Variants in TMTC3 observed in about 807,000 individuals in gnomAD.
The protein encoded by TMTC3 is protein O-mannosyl-transferase TMTC3.
In TMTC3, 52 loss-of-function variants were observed where a neutral mutation model predicts 92.2. That is an observed-to-expected ratio of 0.56 (90% confidence interval 0.45 to 0.71). The LOEUF is 0.71. Among genes scored for constraint, TMTC3 ranks in the 30% least tolerant of loss-of-function variants. The pLI is 0.00. For synonymous variants in TMTC3, 339 were observed against 363.3 expected, an observed-to-expected ratio of 0.93 and a Z score of 0.76; for missense variants, 896 against 1,057.1, an observed-to-expected ratio of 0.85 and a Z score of 2.11.
chr12:88,188,816 C>T (rs760002499), intron 10 of TMTC3, 27 bp from the exon 11 acceptor site: 1 of 1,224,002 alleles, frequency 8.2e-7, no homozygotes, highest in Non-Finnish European at 1.2e-6. Context: ...GTATACTTGC[C>T]AACAAATGAT....
Position 88,174,720 on chromosome 12 carries a change from C to T in TMTC3, c.1313C>T (p.Ala438Val), listed in dbSNP as rs2041241223. ...WESEYTLFMS[A>V]LKVNKNNAKL... ...TCTGAATATACATTGTTTATGTCAG[C>T]CTTGAAGGTAAAGTGTTGTTCAGAA... is the stretch of plus-strand genomic sequence containing the variant. Residue 438 changes from alanine (A) to valine (V), a missense_variant, in exon 9 of 14, where the codon GCC (alanine) becomes GTC (valine). Coordinates refer to ENST00000266712, the MANE Select transcript of TMTC3 (RefSeq NM_181783.4). The T allele has an allele frequency of 6.2e-7, 1 of 1,611,704 alleles. No homozygotes were observed. The highest frequency in any genetic ancestry group is 8.5e-7 in the Non-Finnish European group (1 of 1,178,764).
At chr12:88,176,082 C>A in intron 9 of TMTC3, 126 bp from the exon 10 acceptor site, 1 of 633,494 alleles carries the variant, frequency 1.6e-6, no homozygotes. Flanking sequence ...TATTTGACTC[C>A]TGTGTCATCC....
intron 10 of TMTC3, among the ~76,000 whole-genome samples, chr12:88,181,023 T>A (rs935657151): frequency 9.2e-5 from 14 of 152,132 alleles, no homozygotes; most frequent in African/African-American, 3.4e-4. Flanking sequence ...AAGGGTAGAG[T>A]GGACACGTTC....
chr12:88,163,746 C>T (rs1206741018), intron 6 of TMTC3, among the ~76,000 whole-genome samples: 3 of 152,180 alleles, frequency 2.0e-5, no homozygotes, highest in Non-Finnish European at 4.4e-5. Flanking sequence ...AGGGCCCACC[C>T]TAACCCAGTG....
chr12:88,195,705 T>C lies in TMTC3; in HGVS notation c.*56T>C. 4.2e-6 allele frequency: 6 copies of C among 1,445,534 alleles called. No individual in the cohort carries two copies. Among genetic ancestry groups the C allele is most frequent in the Middle Eastern group, 2.3e-4 (1 of 4,306 alleles). 89.5% of individuals were successfully genotyped at this position (1,445,534 alleles called of 1,614,324 possible). On this transcript the variant is annotated 3_prime_UTR_variant, in exon 14 of 14. Transcript: ENST00000266712. ...AGAACATCAATCCGTATCATGTGAT[T>C]GCTTTTACTGGGAGCTTTGAAAAAA...
chr12:88,190,379 G>T lies in TMTC3; in HGVS notation c.1537-74G>T. 4 of 1,351,416 alleles carry T rather than the reference G, an allele frequency of 3.0e-6. No individual in the cohort carries two copies. The South Asian group carries it at 5.2e-5, about 18-fold the overall frequency. 83.7% of individuals were successfully genotyped at this position (1,351,416 alleles called of 1,614,324 possible). On this transcript the variant is annotated intron_variant, in intron 11 of 13. Transcript: ENST00000266712. The stretch of plus-strand genomic sequence containing the variant: ...GTATGTTCTGAGTTATTTTGAATTA[G>T]CCAATAGGAATATGTACTTTTGATT...
chr12:88,194,724 A>T (rs1420023961), intron 13 of TMTC3, 114 bp from the exon 14 acceptor site: 1 of 715,434 alleles, frequency 1.4e-6, no homozygotes, highest in African/African-American at 1.9e-5. Flanking sequence ...TTAACTATGG[A>T]AATTAGTTGT....
In TMTC3 at chr12:88,192,295, A is replaced by T. The variant is rs373751855; in HGVS notation, c.1707-309A>T. Among the ~76,000 whole-genome samples, 306 of 152,170 alleles carry T rather than the reference A, an allele frequency of 2.0e-3. 1 individual carries two copies. Among genetic ancestry groups the T allele is most frequent in the African/African-American group, 7.1e-3 (295 of 41,528 alleles). ...CAGTTTAGTCTGTCTCCTTTTTAAG[A>T]TAAAGTCAAAGAATATATTTGCTCT... On this transcript the variant is annotated intron_variant, in intron 12 of 13. Transcript: ENST00000266712.
Position 88,153,282 on chromosome 12 carries a change from T to C in TMTC3, c.190-9T>C. 6.3e-7 allele frequency: 1 copy of C among 1,599,656 alleles called. No individual in the cohort carries two copies. Among genetic ancestry groups the C allele is most frequent in the Non-Finnish European group, 8.5e-7 (1 of 1,172,600 alleles). On this transcript the variant is annotated splice_polypyrimidine_tract_variant and intron_variant, in intron 2 of 13. Transcript: ENST00000266712. ...ACTTTAATAATCACTGATCGTTTTT[T>C]CCTTGTAGGAGAGAAGCCACAAGTC...
chr12:88,198,457 T>G lies in TMTC3; in HGVS notation c.*2808T>G, dbSNP rs796860545. The stretch of plus-strand genomic sequence containing the variant: ...AGTGTTACCTTACTCCTTCACTGCT[T>G]CTTAGAAGGTAGAATTAAGTTTCTG... On this transcript the variant is annotated 3_prime_UTR_variant, in exon 14 of 14. Transcript: ENST00000266712. The G allele has an allele frequency of 4.0e-5, 16 of 398,060 alleles. No homozygotes were observed. Among genetic ancestry groups the G allele is most frequent in the African/African-American group, 2.5e-4 (12 of 48,740 alleles). The allele number at this position is 398,060 out of a possible 1,614,324, so 24.7% of individuals were successfully genotyped here.
chr12:88,188,829 T>G lies in TMTC3; in HGVS notation c.1433-14T>G. 1.4e-6 allele frequency: 2 copies of G among 1,389,992 alleles called. No individual in the cohort carries two copies. The highest frequency in any genetic ancestry group is 2.0e-6 in the Non-Finnish European group (2 of 997,840). The allele number at this position is 1,389,992 out of a possible 1,614,324, so 86.1% of individuals were successfully genotyped here. A position where few individuals can be genotyped will look rare whatever the true frequency, so the allele number is the denominator to read the frequency against. On this transcript the variant is annotated splice_polypyrimidine_tract_variant and intron_variant, in intron 10 of 13. Coordinates refer to ENST00000266712, the MANE Select transcript of TMTC3 (RefSeq NM_181783.4). ...TTGTATACTTGCCAACAAATGATTG[T>G]TTTAAAATTTTAGATGATATTGGTG...
chr12:88,197,181 T>C lies in TMTC3; in HGVS notation c.*1532T>C, dbSNP rs1438491090. 2 of 152,022 alleles carry C rather than the reference T, an allele frequency of 1.3e-5. No homozygotes were observed. Among genetic ancestry groups the C allele is most frequent in the Non-Finnish European group, 3.0e-5 (2 of 67,772 alleles). 9.4% of individuals were successfully genotyped at this position (152,022 alleles called of 1,614,324 possible). ...TATCCTGTATTTTTTTTAAGAATTG[T>C]TTTATAAATAGGTCATAAGATACAA... On this transcript the variant is annotated 3_prime_UTR_variant, in exon 14 of 14. Transcript: ENST00000266712.
intron 6 of TMTC3, 92 bp from the exon 7 acceptor site, chr12:88,166,238 A>C (rs1201566833): frequency 8.1e-7 from 1 of 1,237,210 alleles, no homozygotes; most frequent in East Asian, 2.6e-5. Flanking sequence ...AAGATGATAT[A>C]TAAAATGTTT....
At chr12:88,156,614 A>G (rs2041013064) in intron 4 of TMTC3, among the ~76,000 whole-genome samples, 2 of 152,068 alleles carry the variant, frequency 1.3e-5, no homozygotes, top group South Asian at 4.1e-4. Flanking sequence ...AACACCCACT[A>G]GCCATTGTAG....
rs896493869 is a variant in TMTC3, at chr12:88,196,986, C to T, written c.*1337C>T. On this transcript the variant is annotated 3_prime_UTR_variant, in exon 14 of 14. Coordinates refer to ENST00000266712, the MANE Select transcript of TMTC3 (RefSeq NM_181783.4). ...TGATTTTTTTTCTTGAATTAAAGTA[C>T]ATTTTAAATGAGCTTTATAATACCT... 4 of 151,796 alleles carry T rather than the reference C, an allele frequency of 2.6e-5. No individual in the cohort carries two copies. Among genetic ancestry groups the T allele is most frequent in the Non-Finnish European group, 5.9e-5 (4 of 67,716 alleles). The allele number at this position is 151,796 out of a possible 1,614,324, so 9.4% of individuals were successfully genotyped here.
At chr12:88,188,734 A>T in intron 10 of TMTC3, 109 bp from the exon 11 acceptor site, 1 of 558,238 alleles carries the variant, frequency 1.8e-6, no homozygotes, top group Non-Finnish European at 3.1e-6. Flanking sequence ...TCTTCTCATT[A>T]GTTACATTGA....
At chr12:88,184,597 C>G (rs2041355409) in intron 10 of TMTC3, among the ~76,000 whole-genome samples, 1 of 152,318 alleles carries the variant, frequency 6.6e-6, no homozygotes, top group Non-Finnish European at 1.5e-5. Context: ...GAATGGATAG[C>G]AAATGGCTCT....
chr12:88,183,216 A>G (rs958111017), intron 10 of TMTC3, among the ~76,000 whole-genome samples: 1 of 152,172 alleles, frequency 6.6e-6, no homozygotes, highest in Non-Finnish European at 1.5e-5. Context: ...TGAGAGAGCC[A>G]TGTCAGGGGG....
chr12:88,161,818 CAGTGTATATAT>C (rs2041083339), intron 6 of TMTC3, among the ~76,000 whole-genome samples: 1 of 150,790 alleles, frequency 6.6e-6, no homozygotes, highest in Non-Finnish European at 1.5e-5. Flanking sequence ...ATAAAAATAT[CAGTGTATATAT>C]AGTATAAATA....
Sources: allele counts gnomAD v4.1 joint callset (sites outside exome capture counted in the v4.1 genomes callset), GRCh38; gene constraint gnomAD v4.1.1; transcripts MANE v1.5; gene names NCBI Gene and HGNC (gene_info 2026-07-23, HGNC 2026-07-21).